The following EXOC6B variants were observed in gnomAD, a reference collection of about 807,000 sequenced individuals.
EXOC6B encodes the protein exocyst complex component 6B.
Under a neutral mutation model 113.5 loss-of-function variants are expected in EXOC6B, and 54 were observed. The ratio of observed to expected loss-of-function variants is 0.48; its 90% CI spans 0.38 to 0.60. EXOC6B has a LOEUF of 0.60. EXOC6B is among the 20% of genes least tolerant of loss of function. The pLI, the probability that EXOC6B is intolerant of heterozygous loss-of-function variation, is 0.00. For missense variants in EXOC6B, 797 were observed against 977.5 expected (o/e 0.82, Z 2.46); for synonymous variants, 357 against 339.0 (o/e 1.05, Z -0.58).
intron 18 of EXOC6B, among the ~76,000 whole-genome samples, chr2:72,397,928 T>G (rs781361005): frequency 2.0e-5 from 3 of 151,998 alleles, no homozygotes; most frequent in East Asian, 3.9e-4. Flanking sequence ...AGGAGGGAAA[T>G]AAGATACTAG....
chr2:72,243,928 G>A (rs1682490003), intron 20 of EXOC6B, among the ~76,000 whole-genome samples: 1 of 152,122 alleles, frequency 6.6e-6, no homozygotes, highest in African/African-American at 2.4e-5. Flanking sequence ...GAATTGCAAG[G>A]AGAAATATGT....
Position 72,288,744 on chromosome 2 carries a change from A to G in EXOC6B, c.2196+46203T>C, listed in dbSNP as rs144876474. 1.2e-3 allele frequency: 192 copies of G among 154,096 alleles called. 1 individual carries two copies. Among genetic ancestry groups the G allele is most frequent in the Non-Finnish European group, 1.9e-3 (133 of 69,432 alleles). 9.5% of individuals were successfully genotyped at this position (154,096 alleles called of 1,614,324 possible). On this transcript the variant is annotated intron_variant, in intron 20 of 21. Coordinates refer to ENST00000272427, the MANE Select transcript of EXOC6B (RefSeq NM_015189.3). ...CCGTGCCACCAAAATGGTACACATG[A>G]ATGTCCTGGATGATGCTCCTAACAG... is the stretch of plus-strand genomic sequence containing the variant.
At chr2:72,779,346 T>A (rs1326342782) in intron 1 of EXOC6B, among the ~76,000 whole-genome samples, 3 of 151,728 alleles carry the variant, frequency 2.0e-5, no homozygotes, top group South Asian at 2.1e-4. Flanking sequence ...GCTGTCCCCA[T>A]ACAAAATATA....
intron 20 of EXOC6B, among the ~76,000 whole-genome samples, chr2:72,271,986 A>G (rs1036587756): frequency 6.6e-6 from 1 of 152,032 alleles, no homozygotes; most frequent in Non-Finnish European, 1.5e-5. Flanking sequence ...ACTTACGTAC[A>G]TGCTGATATA....
intron 18 of EXOC6B, among the ~76,000 whole-genome samples, chr2:72,446,353 T>A (rs1044198629): frequency 2.7e-5 from 4 of 149,074 alleles, no homozygotes; most frequent in Admixed American, 1.3e-4. Flanking sequence ...CACTGCAGAC[T>A]GGGCAACAAG....
intron 20 of EXOC6B, among the ~76,000 whole-genome samples, chr2:72,207,494 C>CA (rs1263968930): frequency 1.3e-5 from 2 of 152,132 alleles, no homozygotes; most frequent in African/African-American, 4.8e-5. Flanking sequence ...TTAATTCACG[C>CA]AAAAGCACTC....
At chr2:72,740,922 G>A (rs1343370355) in intron 2 of EXOC6B, among the ~76,000 whole-genome samples, 2 of 152,072 alleles carry the variant, frequency 1.3e-5, no homozygotes, top group East Asian at 1.9e-4. Context: ...CTAACACGGT[G>A]AAACCCCGTC....
intron 6 of EXOC6B, among the ~76,000 whole-genome samples, chr2:72,599,618 A>G (rs1277981195): frequency 2.6e-5 from 4 of 152,106 alleles, no homozygotes; most frequent in African/African-American, 9.7e-5. Context: ...TTTGCCAACC[A>G]CATGATTGTC....
At chr2:72,370,523 A>G (rs1385442624) in intron 19 of EXOC6B, among the ~76,000 whole-genome samples, 2 of 152,206 alleles carry the variant, frequency 1.3e-5, no homozygotes, top group Admixed American at 1.3e-4. Context: ...TATATACCCA[A>G]AGGAATATAA....
intron 1 of EXOC6B, among the ~76,000 whole-genome samples, chr2:72,798,095 A>G (rs1030644374): frequency 6.6e-6 from 1 of 152,152 alleles, no homozygotes; most frequent in Non-Finnish European, 1.5e-5. Flanking sequence ...TTTTGTCTTT[A>G]CTTCCCTTGG....
chr2:72,820,244 A>C (rs1686505059), intron 1 of EXOC6B, among the ~76,000 whole-genome samples: 1 of 152,236 alleles, frequency 6.6e-6, no homozygotes. Context: ...CCCATAAGTA[A>C]AGCTTTGTAA....
At chr2:72,255,986 AT>A (rs1683331241) in intron 20 of EXOC6B, among the ~76,000 whole-genome samples, 1 of 152,264 alleles carries the variant, frequency 6.6e-6, no homozygotes, top group Non-Finnish European at 1.5e-5. Flanking sequence ...TGGAAACAGG[AT>A]CTTTGTAGAT....
chr2:72,310,884 C>CAT (rs1553372182), intron 20 of EXOC6B, among the ~76,000 whole-genome samples: 9,934 of 149,386 alleles, frequency 0.066, 711 homozygotes, highest in African/African-American at 0.16. Context: ...CACACACACA[C>CAT]ACACAGAGCT....
chr2:72,649,188 G>T (rs1673971264), intron 6 of EXOC6B, among the ~76,000 whole-genome samples: 1 of 152,088 alleles, frequency 6.6e-6, no homozygotes, highest in Non-Finnish European at 1.5e-5. Flanking sequence ...ATAGAATGAT[G>T]TTTACCACAG....
intron 21 of EXOC6B, among the ~76,000 whole-genome samples, chr2:72,182,654 G>A (rs1678165577): frequency 6.6e-6 from 1 of 152,066 alleles, no homozygotes; most frequent in African/African-American, 2.4e-5. Context: ...GGCACAATGG[G>A]AGAAAATCCC....
At chr2:72,308,425 A>G (rs2104780832) in intron 20 of EXOC6B, among the ~76,000 whole-genome samples, 1 of 152,366 alleles carries the variant, frequency 6.6e-6, no homozygotes, top group Middle Eastern at 3.4e-3. Context: ...GATGAAATAA[A>G]TAAGTAATGG....
At position 72,409,774 on chromosome 2, in the gene EXOC6B, G is replaced by A. The variant is rs186637135; in HGVS notation, c.1981-29904C>T. Among the ~76,000 whole-genome samples the A allele has an allele frequency of 2.2e-4, 33 of 151,976 alleles. No individual in the cohort carries two copies. In the East Asian group the frequency reaches 6.2e-3, roughly 28 times the overall value. On this transcript the variant is annotated intron_variant, in intron 18 of 21. Transcript: ENST00000272427. ...GGAGATATACCTAATGTTAAATGAT[G>A]AGTTAATGGGTGCAGCACACCAAGA...
chr2:72,381,007 C>T (rs999187153), intron 18 of EXOC6B, among the ~76,000 whole-genome samples: 57 of 152,102 alleles, frequency 3.7e-4, no homozygotes, highest in Admixed American at 3.7e-3. Flanking sequence ...AAATACTTAA[C>T]GTATCCCCTA....
chr2:72,486,867 A>T (rs1020543066), intron 16 of EXOC6B, among the ~76,000 whole-genome samples: 2 of 151,364 alleles, frequency 1.3e-5, no homozygotes, highest in African/African-American at 2.4e-5. Context: ...ATTAAAAAAT[A>T]AAACAAAAAA....
Sources: gnomAD v4.1 joint callset for allele counts (sites outside exome capture counted in the v4.1 genomes callset) on GRCh38, gnomAD v4.1.1 for gene constraint, MANE v1.5 for transcripts, NCBI Gene and HGNC (gene_info 2026-07-23, HGNC 2026-07-21) for gene names.